BANK1: variants seen among roughly 807,000 people sequenced by gnomAD.
The protein encoded by BANK1 is B-cell scaffold protein with ankyrin repeats.
BANK1 carries 95 observed loss-of-function variants against 94.5 expected under a neutral mutation model. That is an observed-to-expected ratio of 1.00 (90% CI 0.85 to 1.19). BANK1 has a LOEUF of 1.19. BANK1 is among the 50% of genes most tolerant of loss of function. The probability of loss-of-function intolerance (pLI) is 0.00; values close to 1 mark genes in which losing one functional copy is unlikely to be tolerated. For synonymous variants in BANK1, 334 were observed against 308.4 expected (o/e 1.08, Z -0.87); for missense variants, 987 against 932.2 (o/e 1.06, Z -0.77).
intron 2 of BANK1, among the ~76,000 whole-genome samples, chr4:101,839,490 C>T (rs908521849): frequency 6.6e-6 from 1 of 152,086 alleles, no homozygotes; most frequent in Non-Finnish European, 1.5e-5. Flanking sequence ...AAGTAATGCT[C>T]GTCAATCCAT....
intron 5 of BANK1, among the ~76,000 whole-genome samples, chr4:101,874,659 G>A (rs1159828108): frequency 6.6e-6 from 1 of 152,166 alleles, no homozygotes; most frequent in East Asian, 1.9e-4. Flanking sequence ...GTTCCCAAGT[G>A]TTTTCCAGAA....
chr4:101,872,424 T>C (rs976079032), intron 5 of BANK1, among the ~76,000 whole-genome samples: 2 of 152,028 alleles, frequency 1.3e-5, no homozygotes, highest in Non-Finnish European at 2.9e-5. Context: ...TGCACTTGAG[T>C]CAGTCTCCCA....
At chr4:101,840,912 T>C (rs939709229) in intron 2 of BANK1, among the ~76,000 whole-genome samples, 2 of 152,118 alleles carry the variant, frequency 1.3e-5, no homozygotes, top group African/African-American at 2.4e-5. Flanking sequence ...TCACTCTAAA[T>C]TCTACCTTGC....
intron 7 of BANK1, among the ~76,000 whole-genome samples, chr4:101,959,224 C>T (rs1368708302): frequency 6.6e-6 from 1 of 151,984 alleles, no homozygotes; most frequent in African/African-American, 2.4e-5. Flanking sequence ...ACTGCAACCT[C>T]CACCTCCTGG....
intron 12 of BANK1, 121 bp from the exon 13 acceptor site, chr4:102,062,954 T>G: frequency 2.8e-6 from 2 of 708,140 alleles, no homozygotes; most frequent in Non-Finnish European, 4.8e-6. Context: ...AATTGAGACA[T>G]CATAAGTAGC....
At chr4:102,036,268 T>C (rs1178624971) in intron 10 of BANK1, among the ~76,000 whole-genome samples, 1 of 152,236 alleles carries the variant, frequency 6.6e-6, no homozygotes, top group Non-Finnish European at 1.5e-5. Flanking sequence ...TGCAACTCAC[T>C]TGCTCTCAGA....
intron 11 of BANK1, among the ~76,000 whole-genome samples, chr4:102,047,110 T>G (rs1166606583): frequency 2.0e-5 from 3 of 152,128 alleles, no homozygotes; most frequent in Admixed American, 1.3e-4. Context: ...TGCACCAAAT[T>G]CTAACACCCA....
At chr4:101,851,809 T>G (rs1727486846) in intron 2 of BANK1, among the ~76,000 whole-genome samples, 1 of 152,170 alleles carries the variant, frequency 6.6e-6, no homozygotes. Flanking sequence ...TAATTTTGTT[T>G]TATAAAATAG....
chr4:101,846,437 T>G (rs193247675), intron 2 of BANK1, among the ~76,000 whole-genome samples: 2 of 152,316 alleles, frequency 1.3e-5, no homozygotes, highest in Admixed American at 1.3e-4. Context: ...GGAAACAGTA[T>G]AGGGTAGTGT....
intron 7 of BANK1, among the ~76,000 whole-genome samples, chr4:102,004,654 G>A (rs539000032): frequency 6.6e-6 from 1 of 152,178 alleles, no homozygotes; most frequent in South Asian, 2.1e-4. Context: ...TGCCTGCTTT[G>A]CCTTAAGGTG....
At chr4:101,931,709 C>G (rs1001597703) in intron 7 of BANK1, among the ~76,000 whole-genome samples, 1 of 151,518 alleles carries the variant, frequency 6.6e-6, no homozygotes, top group Non-Finnish European at 1.5e-5. Flanking sequence ...TTTCTTCCCT[C>G]AGTCTTTCAA....
chr4:101,824,747 G>T (rs1055147230), intron 1 of BANK1, among the ~76,000 whole-genome samples: 2 of 151,482 alleles, frequency 1.3e-5, no homozygotes, highest in Non-Finnish European at 2.9e-5. Flanking sequence ...CTGGAAGGAT[G>T]CATTATGCAA....
chr4:101,978,251 C>T (rs1490479781), intron 7 of BANK1, among the ~76,000 whole-genome samples: 2 of 151,792 alleles, frequency 1.3e-5, no homozygotes, highest in Non-Finnish European at 2.9e-5. Flanking sequence ...TTTAGAATCA[C>T]AGTATTTTAA....
At chr4:102,010,117 T>G (rs1726442688) in intron 7 of BANK1, among the ~76,000 whole-genome samples, 1 of 151,554 alleles carries the variant, frequency 6.6e-6, no homozygotes, top group South Asian at 2.1e-4. Context: ...TACAAAAAAT[T>G]AGCCAGGTGT....
At chr4:101,947,309 A>ATATATATATATATATATGTATG (rs1176507515) in intron 7 of BANK1, among the ~76,000 whole-genome samples, 23 of 67,888 alleles carry the variant, frequency 3.4e-4, no homozygotes, top group South Asian at 9.8e-4. Flanking sequence ...ATATATATAT[A>ATATATATATATATATATGTATG]TATGTATATG....
At chr4:102,043,755 C>A in intron 10 of BANK1, 84 bp from the exon 11 acceptor site, 2 of 742,328 alleles carry the variant, frequency 2.7e-6, no homozygotes, top group Non-Finnish European at 2.2e-6. Context: ...TGATATATTG[C>A]ATTCTGGCTT....
chr4:101,980,213 CAA>C (rs1314158020), intron 7 of BANK1, among the ~76,000 whole-genome samples: 2 of 151,794 alleles, frequency 1.3e-5, no homozygotes, highest in Admixed American at 1.3e-4. Context: ...GAAAATTACT[CAA>C]GAGACTCTAA....
intron 6 of BANK1, among the ~76,000 whole-genome samples, chr4:101,901,413 G>A (rs537189536): frequency 2.1e-4 from 32 of 152,230 alleles, no homozygotes; most frequent in Non-Finnish European, 4.6e-4. Flanking sequence ...TCAATTGACT[G>A]CTTTTTTGCT....
intron 7 of BANK1, among the ~76,000 whole-genome samples, chr4:101,949,620 C>T (rs1216137236): frequency 6.6e-6 from 1 of 152,062 alleles, no homozygotes; most frequent in African/African-American, 2.4e-5. Flanking sequence ...ATATGTTAAA[C>T]TCTGAAATAA....
Sources: allele counts gnomAD v4.1 joint callset (sites outside exome capture counted in the v4.1 genomes callset), GRCh38; gene constraint gnomAD v4.1.1; transcripts MANE v1.5; gene names NCBI Gene and HGNC (gene_info 2026-07-23, HGNC 2026-07-21).